GDAP1: variants seen among roughly 807,000 people sequenced by gnomAD.
GDAP1 encodes the protein ganglioside-induced differentiation-associated protein 1.
A neutral mutation model predicts 40.1 loss-of-function variants in GDAP1; 34 were observed. The ratio of observed to expected loss-of-function variants is 0.85; its 90% CI spans 0.64 to 1.13. The LOEUF (loss-of-function observed/expected upper bound fraction) is 1.13, where lower values mean the gene tolerates loss of function less well. Ranked by LOEUF, GDAP1 falls within the 50% of genes most tolerant of loss-of-function variation. The pLI, the probability that GDAP1 is intolerant of heterozygous loss-of-function variation, is 0.00. For synonymous variants in GDAP1, 170 were observed against 157.4 expected (o/e 1.08, Z -0.60); for missense variants, 374 against 433.7 (o/e 0.86, Z 1.22).
intron 2 of GDAP1, among the ~76,000 whole-genome samples, chr8:74,372,530 C>T (rs1229899972): frequency 6.6e-6 from 1 of 152,180 alleles, no homozygotes; most frequent in East Asian, 1.9e-4. Context: ...TGATGATGAG[C>T]ATTTTTTCAT....
intron 2 of GDAP1, among the ~76,000 whole-genome samples, chr8:74,448,081 T>G (rs528934521): frequency 2.0e-5 from 3 of 152,328 alleles, no homozygotes; most frequent in Admixed American, 6.5e-5. Flanking sequence ...TTTTCTTTTT[T>G]GAATTTTTAT....
intron 2 of GDAP1, among the ~76,000 whole-genome samples, chr8:74,407,792 G>A (rs1173073955): frequency 1.3e-5 from 2 of 149,442 alleles, no homozygotes; most frequent in African/African-American, 5.1e-5. Context: ...CAAGTCCTCT[G>A]GCAATACCTT....
chr8:74,401,507 T>C lies in GDAP1; in HGVS notation c.165+50186T>C, dbSNP rs899688924. Among the ~76,000 whole-genome samples the C allele has an allele frequency of 1.1e-4, 16 of 150,024 alleles. 1 individual carries two copies. Among genetic ancestry groups the C allele is most frequent in the African/African-American group, 4.1e-4 (16 of 39,336 alleles). ...TTTGCCTTTGGTTTGAATTTCCTCC[T>C]GTAGCTCGGAGTAGTTTGATCGTCT... On this transcript the variant is annotated intron_variant, in intron 2 of 2. Transcript: ENST00000523640.
intron 2 of GDAP1, among the ~76,000 whole-genome samples, chr8:74,389,839 CAT>C (rs1810080626): frequency 6.6e-6 from 1 of 152,236 alleles, no homozygotes; most frequent in African/African-American, 2.4e-5. Context: ...CATCTTTTCA[CAT>C]AGTCCCATAT....
intron 2 of GDAP1, among the ~76,000 whole-genome samples, chr8:74,476,112 A>G (rs1260214614): frequency 6.6e-6 from 1 of 151,558 alleles, no homozygotes; most frequent in Non-Finnish European, 1.5e-5. Context: ...CCCCTTTATT[A>G]TTTTTCTGTT....
chr8:74,434,840 A>G (rs535737522), intron 2 of GDAP1, among the ~76,000 whole-genome samples: 1 of 152,226 alleles, frequency 6.6e-6, no homozygotes, highest in Non-Finnish European at 1.5e-5. Flanking sequence ...ATACAAAAAA[A>G]GTGCTCATCT....
At chr8:74,360,732 TCTAA>T (rs1188402465) in intron 3 of GDAP1, among the ~76,000 whole-genome samples, 2 of 152,254 alleles carry the variant, frequency 1.3e-5, no homozygotes, top group African/African-American at 2.4e-5. Context: ...CTAGAGGGTG[TCTAA>T]CTATTACTCT....
chr8:74,443,406 A>G (rs1446576386), intron 2 of GDAP1, among the ~76,000 whole-genome samples: 1 of 152,130 alleles, frequency 6.6e-6, no homozygotes, highest in Non-Finnish European at 1.5e-5. Context: ...ATAGGCAGTT[A>G]AAAAAAACTT....
intron 2 of GDAP1, among the ~76,000 whole-genome samples, chr8:74,487,823 C>T (rs1387537489): frequency 6.6e-6 from 1 of 152,252 alleles, no homozygotes. Flanking sequence ...GGAAAGGCAT[C>T]CATCCTGCCA....
chr8:74,445,183 A>G (rs62523902), intron 2 of GDAP1, among the ~76,000 whole-genome samples: 62 of 152,298 alleles, frequency 4.1e-4, no homozygotes, highest in Non-Finnish European at 7.8e-4. Context: ...GCTTCCAGGA[A>G]AGATATCTGT....
chr8:74,458,114 A>G lies in GDAP1; in HGVS notation c.166-30564A>G, dbSNP rs555512984. ...GTTTTGAGGGGATATAATAAATACA[A>G]TATTGACATGGTGTGCTCCTATTCT... is the stretch of plus-strand genomic sequence containing the variant. On this transcript the variant is annotated intron_variant, in intron 2 of 2. Coordinates refer to the GDAP1 transcript ENST00000523640. Among the ~76,000 whole-genome samples the G allele has an allele frequency of 1.2e-4, 18 of 152,210 alleles. No homozygotes were observed. In the East Asian group the frequency reaches 1.3e-3, roughly 11 times the overall value.
rs1809575668 is a variant in GDAP1 at position 74,365,375 on chromosome 8, T to C, written c.*1008T>C. On this transcript the variant is annotated 3_prime_UTR_variant, in exon 6 of 6. Coordinates refer to ENST00000220822, the MANE Select transcript of GDAP1 (RefSeq NM_018972.4). The stretch of plus-strand genomic sequence containing the variant: ...AATTAAATGGGTAGATAGTGATGCA[T>C]ACCTGTATTCACTGATGTATGTTTA... 1 of 453,882 alleles carries C rather than the reference T, an allele frequency of 2.2e-6. No homozygotes were observed. The allele number at this position is 453,882 out of a possible 1,614,324, so 28.1% of individuals were successfully genotyped here. A position where few individuals can be genotyped will look rare whatever the true frequency, so the allele number is the denominator to read the frequency against.
chr8:74,418,051 T>C (rs983976414), intron 2 of GDAP1, among the ~76,000 whole-genome samples: 20 of 152,130 alleles, frequency 1.3e-4, no homozygotes, highest in African/African-American at 4.6e-4. Flanking sequence ...CCTAGATAAG[T>C]GGAGAGACAA....
intron 2 of GDAP1, among the ~76,000 whole-genome samples, chr8:74,479,791 C>T (rs1305557195): frequency 1.3e-5 from 2 of 152,150 alleles, no homozygotes; most frequent in African/African-American, 4.8e-5. Context: ...CTTCATTATG[C>T]AGCAGGCTAG....
intron 2 of GDAP1, among the ~76,000 whole-genome samples, chr8:74,466,127 A>G (rs991471809): frequency 6.6e-6 from 1 of 152,210 alleles, no homozygotes; most frequent in African/African-American, 2.4e-5. Context: ...AATATGCTTA[A>G]ATCATGCTTA....
At chr8:74,410,460 C>T (rs1303306582) in intron 2 of GDAP1, among the ~76,000 whole-genome samples, 2 of 150,088 alleles carry the variant, frequency 1.3e-5, no homozygotes, top group Non-Finnish European at 2.9e-5. Context: ...TAGTTATTTA[C>T]AGTTCAGTAT....
chr8:74,432,248 A>G (rs1244020770), intron 2 of GDAP1, among the ~76,000 whole-genome samples: 1 of 152,164 alleles, frequency 6.6e-6, no homozygotes, highest in Non-Finnish European at 1.5e-5. Context: ...GGATTCAGCC[A>G]TTCCTCAAGG....
intron 2 of GDAP1, among the ~76,000 whole-genome samples, chr8:74,463,250 G>T (rs1448500630): frequency 7.0e-6 from 1 of 143,112 alleles, no homozygotes; most frequent in African/African-American, 2.7e-5. Context: ...CTAGGAATTT[G>T]AGACCAGCCT....
At chr8:74,447,235 G>A (rs1249377334) in intron 2 of GDAP1, among the ~76,000 whole-genome samples, 1 of 152,070 alleles carries the variant, frequency 6.6e-6, no homozygotes, top group Non-Finnish European at 1.5e-5. Flanking sequence ...TCCAATTAAT[G>A]TCGTTAATTC....
Sources: gnomAD v4.1 joint callset for allele counts (sites outside exome capture counted in the v4.1 genomes callset) on GRCh38, gnomAD v4.1.1 for gene constraint, MANE v1.5 for transcripts, NCBI Gene and HGNC (gene_info 2026-07-23, HGNC 2026-07-21) for gene names.